PCDHGB4: variants seen among roughly 807,000 people sequenced by gnomAD.
PCDHGB4 encodes the protein protocadherin gamma subfamily B, 4, also known as protocadherin gamma-B4.
PCDHGB4 carries 38 observed loss-of-function variants against 60.5 expected under a neutral mutation model. The ratio of observed to expected loss-of-function variants is 0.63; its 90% confidence interval spans 0.48 to 0.82. PCDHGB4 has a LOEUF of 0.82. Ranked by LOEUF, PCDHGB4 falls within the 40% of genes least tolerant of loss-of-function variation. PCDHGB4 has a pLI of 0.00. For synonymous variants in PCDHGB4, 456 were observed against 509.7 expected, an observed-to-expected ratio of 0.89 and a Z score of 1.42; for missense variants, 1,109 against 1,209.6, an observed-to-expected ratio of 0.92 and a Z score of 1.23.
intron 1 of PCDHGB4, chr5:141,423,252 C>T (rs2096724826): frequency 1.2e-6 from 2 of 1,613,802 alleles, no homozygotes; most frequent in South Asian, 2.2e-5. Context: ...TCCTGGCGGA[C>T]CTCGGCAGCC....
chr5:141,428,557 C>T (rs2097147196), intron 1 of PCDHGB4: 2 of 242,520 alleles, frequency 8.2e-6, no homozygotes, highest in Non-Finnish European at 1.6e-5. Context: ...AACAGTCCCC[C>T]CACAAGATCT....
chr5:141,433,091 A>G (rs1344906248), intron 1 of PCDHGB4: 2 of 1,614,182 alleles, frequency 1.2e-6, no homozygotes, highest in African/African-American at 1.3e-5. Flanking sequence ...CTATGCAGAC[A>G]TGCTCGTCAG....
intron 1 of PCDHGB4, chr5:141,403,542 A>T (rs561106024): frequency 1.2e-6 from 2 of 1,613,990 alleles, no homozygotes; most frequent in East Asian, 4.5e-5. Context: ...CTGGTGCTGG[A>T]GCGCGCCCTG....
At chr5:141,405,024 T>C in intron 1 of PCDHGB4, 1 of 1,613,920 alleles carries the variant, frequency 6.2e-7, no homozygotes, top group Non-Finnish European at 8.5e-7. Flanking sequence ...GACCTTACCC[T>C]CTACCTCGTT....
At chr5:141,433,481 G>C (rs2097613311) in intron 1 of PCDHGB4, among the ~76,000 whole-genome samples, 1 of 152,046 alleles carries the variant, frequency 6.6e-6, no homozygotes, top group African/African-American at 2.4e-5. Flanking sequence ...CTAGCCTCCT[G>C]CTTCTCCCTC....
chr5:141,451,874 C>T (rs1264178631), intron 1 of PCDHGB4, among the ~76,000 whole-genome samples: 1 of 151,956 alleles, frequency 6.6e-6, no homozygotes, highest in Non-Finnish European at 1.5e-5. Context: ...GAATGAAACC[C>T]TGTCAAGAAA....
At chr5:141,398,993 G>A (rs1438560245) in intron 1 of PCDHGB4, 2 of 1,613,944 alleles carry the variant, frequency 1.2e-6, no homozygotes, top group Admixed American at 1.7e-5. Flanking sequence ...CAAATCTTTA[G>A]TCTGAATTCA....
intron 2 of PCDHGB4, among the ~76,000 whole-genome samples, chr5:141,504,128 G>A (rs914138294): frequency 2.6e-5 from 4 of 151,992 alleles, no homozygotes; most frequent in African/African-American, 9.7e-5. Context: ...GCTGTTTCCC[G>A]CCAACACTCC....
intron 1 of PCDHGB4, among the ~76,000 whole-genome samples, chr5:141,425,820 C>T (rs978139996): frequency 6.6e-6 from 1 of 152,156 alleles, no homozygotes; most frequent in Admixed American, 6.5e-5. Flanking sequence ...TAGAAAAAAA[C>T]AAACTTTTAA....
At chr5:141,427,951 A>G in intron 1 of PCDHGB4, 1 of 1,586,612 alleles carries the variant, frequency 6.3e-7, no homozygotes, top group Non-Finnish European at 8.6e-7. Flanking sequence ...CTCAATGACA[A>G]TGTGCCGCGG....
At chr5:141,445,342 T>C (rs1026595756) in intron 1 of PCDHGB4, among the ~76,000 whole-genome samples, 4 of 152,202 alleles carry the variant, frequency 2.6e-5, no homozygotes, top group African/African-American at 9.6e-5. Flanking sequence ...ACAGTAAACA[T>C]TGGTGTCTGC....
At position 141,485,464 on chromosome 5, in the gene PCDHGB4, G is replaced by A. The variant is rs2099614016; in HGVS notation, c.2398-9343G>A. ...CAATCGACCGAGAGGCACTGTGTGG[G>A]CTCAGTGCCAGCTGCATCGTGCCCC... is the stretch of plus-strand genomic sequence containing the variant. On this transcript the variant is annotated intron_variant, in intron 1 of 3. Coordinates refer to ENST00000519479, the MANE Select transcript of PCDHGB4 (RefSeq NM_003736.4). The surrounding 1 kb of genome is among the most constrained non-coding windows in gnomAD (Gnocchi z 5.7). 6.2e-7 allele frequency: 1 copy of A among 1,614,106 alleles called. No homozygotes were observed. The highest frequency in any genetic ancestry group is 8.5e-7 in the Non-Finnish European group (1 of 1,179,958).
intron 1 of PCDHGB4, among the ~76,000 whole-genome samples, chr5:141,406,188 T>C (rs1313997032): frequency 6.6e-6 from 1 of 151,612 alleles, no homozygotes; most frequent in African/African-American, 2.4e-5. Flanking sequence ...TCCTCCCACC[T>C]CAGCCTTCAC....
chr5:141,404,707 C>A, intron 1 of PCDHGB4: 1 of 1,614,122 alleles, frequency 6.2e-7, no homozygotes, highest in South Asian at 1.1e-5. Flanking sequence ...CAGAGCCTGG[C>A]TACCTGGTGA....
At chr5:141,456,821 A>G (rs1432134342) in intron 1 of PCDHGB4, among the ~76,000 whole-genome samples, 2 of 151,744 alleles carry the variant, frequency 1.3e-5, no homozygotes, top group Admixed American at 6.6e-5. Context: ...AAAATTAGCC[A>G]TCGTGGTAGT....
chr5:141,395,538 TTGTTTGTGTG>T, intron 1 of PCDHGB4: 1 of 225,786 alleles, frequency 4.4e-6, no homozygotes, highest in Non-Finnish European at 7.1e-6. Context: ...AATTTTGCTA[TTGTTTGTGTG>T]TGTGTGTGTG....
rs368884524 is a variant in PCDHGB4 at position 141,409,933 on chromosome 5, G to A, written c.2397+19652G>A. On this transcript the variant is annotated intron_variant, in intron 1 of 3. Coordinates refer to ENST00000519479, the MANE Select transcript of PCDHGB4 (RefSeq NM_003736.4). ...CTGACGGCTCCGCGTTCTTCGATAT[G>A]GTACCTCGCTCTGCAGAGCCCGGCT... 50 of 1,613,236 alleles carry A rather than the reference G, an allele frequency of 3.1e-5. No homozygotes were observed. The highest frequency in any genetic ancestry group is 4.1e-5 in the Non-Finnish European group (48 of 1,179,790).
intron 1 of PCDHGB4, chr5:141,422,303 A>AAAAC: frequency 6.5e-7 from 1 of 1,548,740 alleles, no homozygotes; most frequent in Non-Finnish European, 8.7e-7. Flanking sequence ...TCAATTCTGG[A>AAAAC]AAACTCTCCT....
chr5:141,485,344 C>G lies in PCDHGB4; in HGVS notation c.2398-9463C>G. On this transcript the variant is annotated intron_variant, in intron 1 of 3. Coordinates refer to ENST00000519479, the MANE Select transcript of PCDHGB4 (RefSeq NM_003736.4). This position sits in a 1 kb window ranked among gnomAD's most constrained non-coding sequence, Gnocchi z 5.7. ...CTCAAGATTTCCTGCTGGATACGGA[C>G]AGTCTGTCAGCTCGCAGGCTGCAGG... 6.2e-7 allele frequency: 1 copy of G among 1,614,116 alleles called. No individual in the cohort carries two copies. The highest frequency in any genetic ancestry group is 8.5e-7 in the Non-Finnish European group (1 of 1,180,004).
Sources: gnomAD v4.1 joint callset for allele counts (sites outside exome capture counted in the v4.1 genomes callset) on GRCh38, gnomAD v4.1.1 for gene constraint, Gnocchi (gnomAD v3.1) non-coding constraint, MANE v1.5 for transcripts, NCBI Gene and HGNC (gene_info 2026-07-23, HGNC 2026-07-21) for gene names.